Variants in CAMTA1 observed in about 807,000 individuals in gnomAD.
The protein encoded by CAMTA1 is calmodulin binding transcription activator 1, also known as calmodulin-binding transcription activator 1.
CAMTA1 carries 27 observed loss-of-function variants against 170.9 expected under a neutral mutation model. The ratio of observed to expected loss-of-function variants is 0.16; its 90% CI spans 0.12 to 0.22. The LOEUF (loss-of-function observed/expected upper bound fraction) is 0.22. Ranked by LOEUF, CAMTA1 falls within the 10% of genes least tolerant of loss-of-function variation. The pLI is 1.00. For synonymous variants in CAMTA1, 833 were observed against 891.5 expected, an observed-to-expected ratio of 0.93 and a Z score of 1.17; for missense variants, 1,619 against 2,217.2, an observed-to-expected ratio of 0.73 and a Z score of 5.42.
At chr1:6,824,962 A>G in intron 2 of CAMTA1, 130 bp from the exon 3 acceptor site, 1 of 543,408 alleles carries the variant, frequency 1.8e-6, no homozygotes, top group Non-Finnish European at 3.3e-6. Flanking sequence ...AACTAAGAGG[A>G]ATAGTGGGGC....
At chr1:7,711,762 C>A (rs1205515569) in intron 11 of CAMTA1, among the ~76,000 whole-genome samples, 1 of 152,174 alleles carries the variant, frequency 6.6e-6, no homozygotes. Flanking sequence ...CTAGCCAGAA[C>A]CAATGCCCCT....
chr1:7,526,122 C>T (rs1725222), intron 6 of CAMTA1, among the ~76,000 whole-genome samples: 55,285 of 151,612 alleles, frequency 0.36, 10,943 homozygotes, highest in Non-Finnish European at 0.45. Flanking sequence ...AGGACACCTA[C>T]GGGAAGGCTT....
chr1:6,866,716 A>C (rs1666691022), intron 3 of CAMTA1, among the ~76,000 whole-genome samples: 1 of 152,206 alleles, frequency 6.6e-6, no homozygotes, highest in Admixed American at 6.5e-5. Flanking sequence ...GATTTCAGAT[A>C]GTCTCTTTTT....
chr1:7,450,998 G>A (rs538422249), intron 5 of CAMTA1, among the ~76,000 whole-genome samples: 1 of 152,312 alleles, frequency 6.6e-6, no homozygotes, highest in East Asian at 1.9e-4. Flanking sequence ...CTCGGGAGAA[G>A]CAGGTGTAAT....
At chr1:7,276,291 A>ATTTTTTTTTTTTTTT (rs1257658481) in intron 5 of CAMTA1, among the ~76,000 whole-genome samples, 13 of 51,306 alleles carry the variant, frequency 2.5e-4, no homozygotes, top group African/African-American at 4.7e-4. Context: ...ATATATATAT[A>ATTTTTTTTTTTTTTT]TATATATATA....
chr1:6,994,133 T>A (rs1696815775), intron 3 of CAMTA1, among the ~76,000 whole-genome samples: 5 of 152,192 alleles, frequency 3.3e-5, no homozygotes, highest in Admixed American at 3.3e-4. Context: ...ATGCTATACT[T>A]GTTATATGTA....
chr1:7,368,334 C>T (rs2086173559), intron 5 of CAMTA1, among the ~76,000 whole-genome samples: 1 of 150,720 alleles, frequency 6.6e-6, no homozygotes, highest in Non-Finnish European at 1.5e-5. Flanking sequence ...ACACTGGGCA[C>T]TTATTGTTTC....
At position 7,752,469 on chromosome 1, in the gene CAMTA1, C is replaced by T; in HGVS notation, c.4894C>T (p.Leu1632=). ...TTCTGACTTTTTCAGGAGCAGTTTG[C>T]TAACCAAAAAGCAGGATCAAGCTGC... ...IVQQKLRSSL[L]TKKQDQAARK... The change falls in exon 21 of 23, where the codon CTA becomes TTA. Residue 1632 remains leucine, a synonymous_variant. Transcript: ENST00000303635. 1 of 1,613,678 alleles carries T rather than the reference C, an allele frequency of 6.2e-7. No individual in the cohort carries two copies. Among genetic ancestry groups the T allele is most frequent in the Non-Finnish European group, 8.5e-7 (1 of 1,179,840 alleles).
At position 6,995,427 on chromosome 1, in the gene CAMTA1, C is replaced by T. The variant is rs143895652; in HGVS notation, c.235-95877C>T. Reference sequence around the variant, plus strand: ...CAAGCGATTCTTTTGCCTCAGCCTCCCCAGTAACTGAGACTACAGACCTGC... The same window carrying T: ...CAAGCGATTCTTTTGCCTCAGCCTCTCCAGTAACTGAGACTACAGACCTGC... On this transcript the variant is annotated intron_variant, in intron 3 of 22. Coordinates refer to ENST00000303635, the MANE Select transcript of CAMTA1 (RefSeq NM_015215.4). Among the ~76,000 whole-genome samples, 1,066 of 151,194 alleles carry T rather than the reference C, an allele frequency of 7.1e-3. 18 individuals are homozygous for T. Among genetic ancestry groups the T allele is most frequent in the African/African-American group, 0.024 (984 of 41,150 alleles).
intron 7 of CAMTA1, among the ~76,000 whole-genome samples, chr1:7,657,864 G>A (rs1223928653): frequency 6.6e-6 from 1 of 151,988 alleles, no homozygotes; most frequent in Non-Finnish European, 1.5e-5. Flanking sequence ...CTCTCTGCTT[G>A]CAATCTGTCA....
intron 2 of CAMTA1, among the ~76,000 whole-genome samples, chr1:6,822,108 A>T (rs1481133008): frequency 6.6e-6 from 1 of 152,168 alleles, no homozygotes; most frequent in Admixed American, 6.5e-5. Context: ...TGACACTCCC[A>T]CTTTTCAGTG....
chr1:7,103,944 C>CA (rs1643216509), intron 4 of CAMTA1, among the ~76,000 whole-genome samples: 1 of 147,540 alleles, frequency 6.8e-6, no homozygotes, highest in African/African-American at 2.5e-5. Flanking sequence ...ACACATACAG[C>CA]ACACACGTAC....
intron 3 of CAMTA1, among the ~76,000 whole-genome samples, chr1:7,045,135 C>T (rs964967034): frequency 6.6e-6 from 1 of 152,130 alleles, no homozygotes; most frequent in Non-Finnish European, 1.5e-5. Flanking sequence ...TTAAAATCCT[C>T]CTAAGGACCC....
chr1:6,917,123 A>G (rs950391730), intron 3 of CAMTA1, among the ~76,000 whole-genome samples: 2 of 152,092 alleles, frequency 1.3e-5, no homozygotes, highest in African/African-American at 4.8e-5. Flanking sequence ...CTATAAAGAG[A>G]TGGCATCCAG....
intron 3 of CAMTA1, among the ~76,000 whole-genome samples, chr1:7,001,086 G>C (rs1431151444): frequency 6.6e-6 from 1 of 152,164 alleles, no homozygotes; most frequent in African/African-American, 2.4e-5. Flanking sequence ...CGGAGTAATG[G>C]TGATGGGAGA....
chr1:7,445,485 C>T (rs1288689480), intron 5 of CAMTA1, among the ~76,000 whole-genome samples: 1 of 152,048 alleles, frequency 6.6e-6, no homozygotes, highest in Non-Finnish European at 1.5e-5. Flanking sequence ...CAGTGTGGCC[C>T]ACAGGGAACG....
Position 7,609,455 on chromosome 1 carries a change from GA to G in CAMTA1, c.511-30944del, listed in dbSNP as rs199657277. Among the ~76,000 whole-genome samples the G allele has an allele frequency of 0.014, 2,133 of 152,284 alleles. 23 individuals are homozygous for G. Among genetic ancestry groups the G allele is most frequent in the Non-Finnish European group, 0.02 (1,335 of 68,014 alleles). ...TAACAGCAAATCAAAGCCCCTCAGTGAGGGCAGCAGAGCAGCAGCCAGAAGG... is the reference window on the plus strand; with the variant it reads ...TAACAGCAAATCAAAGCCCCTCAGTGGGGCAGCAGAGCAGCAGCCAGAAGG... On this transcript the variant is annotated intron_variant, in intron 6 of 22. Coordinates refer to ENST00000303635, the MANE Select transcript of CAMTA1 (RefSeq NM_015215.4). The surrounding 1 kb of genome is among the most constrained non-coding windows in gnomAD (Gnocchi z 4.4).
intron 3 of CAMTA1, among the ~76,000 whole-genome samples, chr1:6,851,922 G>A (rs1570926777): frequency 2.0e-5 from 3 of 151,206 alleles, no homozygotes; most frequent in Middle Eastern, 6.8e-3. Flanking sequence ...GCTGAGGCAC[G>A]AGAATTGCTT....
chr1:7,393,010 G>A (rs1004303542), intron 5 of CAMTA1, among the ~76,000 whole-genome samples: 2 of 150,876 alleles, frequency 1.3e-5, no homozygotes, highest in South Asian at 2.1e-4. Context: ...CTATGATCGC[G>A]CCACTGCGTT....
Sources: gnomAD v4.1 joint callset for allele counts (sites outside exome capture counted in the v4.1 genomes callset) on GRCh38, gnomAD v4.1.1 for gene constraint, Gnocchi (gnomAD v3.1) non-coding constraint, MANE v1.5 for transcripts, NCBI Gene and HGNC (gene_info 2026-07-23, HGNC 2026-07-21) for gene names.